The following ITPK1 variants were observed in gnomAD, a reference collection of about 807,000 sequenced individuals.
ITPK1 encodes the protein inositol 1,3,4-trisphosphate 5/6-kinase.
In ITPK1, 21 loss-of-function variants were observed where a neutral mutation model predicts 45.3. The ratio of observed to expected loss-of-function variants is 0.46; its 90% CI spans 0.33 to 0.67. The LOEUF (loss-of-function observed/expected upper bound fraction) is 0.67, where lower values mean the gene tolerates loss of function less well. ITPK1 is among the 30% of genes least tolerant of loss of function. ITPK1 has a pLI of 0.02. For synonymous variants in ITPK1, 258 were observed against 253.6 expected, an observed-to-expected ratio of 1.02 and a Z score of -0.16; for missense variants, 474 against 573.5, an observed-to-expected ratio of 0.83 and a Z score of 1.77.
At chr14:93,095,033 A>G (rs754206153) in intron 2 of ITPK1, among the ~76,000 whole-genome samples, 11 of 152,196 alleles carry the variant, frequency 7.2e-5, no homozygotes, top group Non-Finnish European at 4.4e-5. Flanking sequence ...ATCTTCCCAG[A>G]TAGAGAAACT....
chr14:93,074,298 G>A (rs1056547006), intron 3 of ITPK1, among the ~76,000 whole-genome samples: 1 of 152,190 alleles, frequency 6.6e-6, no homozygotes, highest in Non-Finnish European at 1.5e-5. Flanking sequence ...GAAAGATTTC[G>A]CAATGCTTCT....
At chr14:93,069,900 C>T (rs1465325464) in intron 3 of ITPK1, 5 of 152,254 alleles carry the variant, frequency 3.3e-5, no homozygotes, top group South Asian at 2.1e-4. Flanking sequence ...GACAGAAAGA[C>T]GTATGCCCAC....
chr14:93,087,154 C>T (rs1891684046), intron 2 of ITPK1, among the ~76,000 whole-genome samples: 1 of 152,226 alleles, frequency 6.6e-6, no homozygotes, highest in Admixed American at 6.5e-5. Flanking sequence ...AGGCAGGCTT[C>T]CTTTTGGAGG....
At chr14:93,046,598 G>T (rs965173657) in intron 3 of ITPK1, among the ~76,000 whole-genome samples, 5 of 149,942 alleles carry the variant, frequency 3.3e-5, no homozygotes, top group African/African-American at 4.9e-5. Flanking sequence ...CGGGGGCGGG[G>T]GGGGGCGGCG....
At chr14:93,042,746 G>A (rs1436044562) in intron 3 of ITPK1, among the ~76,000 whole-genome samples, 1 of 152,116 alleles carries the variant, frequency 6.6e-6, no homozygotes. Context: ...GGCTGGCTGC[G>A]GTGGCTCACA....
intron 5 of ITPK1, among the ~76,000 whole-genome samples, chr14:92,988,946 G>A (rs1042852852): frequency 2.0e-5 from 3 of 152,124 alleles, no homozygotes; most frequent in Admixed American, 1.3e-4. Flanking sequence ...CACAATTGGC[G>A]GAGGGTTGGA....
intron 3 of ITPK1, among the ~76,000 whole-genome samples, chr14:93,042,212 C>G (rs1027335791): frequency 5.3e-5 from 8 of 152,348 alleles, no homozygotes; most frequent in Admixed American, 1.3e-4. Flanking sequence ...GATTCTGACA[C>G]AGGTACAGCA....
intron 2 of ITPK1, among the ~76,000 whole-genome samples, chr14:93,080,794 T>C (rs940056168): frequency 6.6e-6 from 1 of 152,082 alleles, no homozygotes; most frequent in Non-Finnish European, 1.5e-5. Context: ...TGGAGTACAG[T>C]GGCATGATCT....
At chr14:93,022,086 A>G (rs542539021) in intron 3 of ITPK1, among the ~76,000 whole-genome samples, 8 of 152,334 alleles carry the variant, frequency 5.3e-5, no homozygotes, top group African/African-American at 1.7e-4. Context: ...CAGAAAAGCT[A>G]CACCCATTCA....
intron 3 of ITPK1, among the ~76,000 whole-genome samples, chr14:93,030,158 C>T (rs576624263): frequency 2.0e-5 from 3 of 152,306 alleles, no homozygotes; most frequent in East Asian, 1.9e-4. Context: ...AGCGGCACCC[C>T]GCATTTACAC....
intron 3 of ITPK1, among the ~76,000 whole-genome samples, chr14:93,028,306 C>T (rs577935672): frequency 5.3e-4 from 81 of 152,286 alleles, no homozygotes; most frequent in Non-Finnish European, 4.9e-4. Context: ...TTGGAGAGGC[C>T]GCTGGTCTCC....
chr14:93,005,238 T>C (rs1186430077), intron 4 of ITPK1, among the ~76,000 whole-genome samples: 1 of 152,134 alleles, frequency 6.6e-6, no homozygotes, highest in Non-Finnish European at 1.5e-5. Context: ...ATGGGCTGCC[T>C]TCATCTTTTA....
At chr14:93,048,765 ACCATGAAACC>A (rs1889888836) in intron 3 of ITPK1, among the ~76,000 whole-genome samples, 1 of 152,142 alleles carries the variant, frequency 6.6e-6, no homozygotes, top group African/African-American at 2.4e-5. Context: ...CCTGGCCAAC[ACCATGAAACC>A]CCATCTCTAC....
intron 3 of ITPK1, among the ~76,000 whole-genome samples, chr14:93,053,619 C>T (rs954045806): frequency 1.3e-5 from 2 of 152,158 alleles, no homozygotes; most frequent in South Asian, 4.1e-4. Context: ...CAAGAGTGAG[C>T]CCTATGCACA....
At chr14:92,957,028 C>T (rs1294498529) in intron 8 of ITPK1, among the ~76,000 whole-genome samples, 2 of 152,216 alleles carry the variant, frequency 1.3e-5, no homozygotes, top group Non-Finnish European at 2.9e-5. Flanking sequence ...AGTATCCACG[C>T]TCTGCATGTG....
In ITPK1 at chr14:93,013,497, CT is replaced by C. The variant is rs1338109514; in HGVS notation, c.246+3178del. Reference sequence around the variant, plus strand: ...TTCACAGAGGCAGCCCAGTGCAGTGCTCTGGGGCCCTGAGGAACATCTCAGA... The same window carrying C: ...TTCACAGAGGCAGCCCAGTGCAGTGCCTGGGGCCCTGAGGAACATCTCAGA... On this transcript the variant is annotated intron_variant, in intron 4 of 10. Transcript: ENST00000267615. Among the ~76,000 whole-genome samples the C allele has an allele frequency of 4.6e-5, 7 of 152,140 alleles. No individual in the cohort carries two copies. In the East Asian group the frequency reaches 1.4e-3, roughly 29 times the overall value.
chr14:92,951,993 TGAA>T lies in ITPK1; in HGVS notation c.688_690del (p.Phe230del). The T allele has an allele frequency of 1.9e-6, 3 of 1,574,882 alleles. No homozygotes were observed. The highest frequency in any genetic ancestry group is 2.6e-6 in the Non-Finnish European group (3 of 1,159,832). ...TCCGGCTTTGACACGTTGTGGCTGT[TGAA>T]GAAGATGGACTCACGGTCTGAAAAA... On this transcript the variant is annotated inframe_deletion, in exon 9 of 11. Transcript: ENST00000267615.
At chr14:92,964,129 C>A (rs1283592611) in intron 5 of ITPK1, among the ~76,000 whole-genome samples, 1 of 152,214 alleles carries the variant, frequency 6.6e-6, no homozygotes, top group African/African-American at 2.4e-5. Flanking sequence ...TTCCCCCGTT[C>A]CCCGACTCCT....
chr14:93,105,704 T>G (rs1299792985), intron 2 of ITPK1, among the ~76,000 whole-genome samples: 1 of 72,154 alleles, frequency 1.4e-5, no homozygotes, highest in South Asian at 4.7e-4. Flanking sequence ...TTTGTGGGGT[T>G]TTTTTTTTTT....
Sources: allele counts gnomAD v4.1 joint callset (sites outside exome capture counted in the v4.1 genomes callset), GRCh38; gene constraint gnomAD v4.1.1; transcripts MANE v1.5; gene names NCBI Gene and HGNC (gene_info 2026-07-23, HGNC 2026-07-21).